CFAP299: variants seen among roughly 807,000 people sequenced by gnomAD.
CFAP299 encodes the protein cilia and flagella associated protein 299.
Under a neutral mutation model 27.0 loss-of-function variants are expected in CFAP299, and 21 were observed. The ratio of observed to expected loss-of-function variants is 0.78; its 90% CI spans 0.55 to 1.12. The LOEUF is 1.12. CFAP299 is among the 50% of genes most tolerant of loss of function. The pLI, the probability that CFAP299 is intolerant of heterozygous loss-of-function variation, is 0.00. For synonymous variants in CFAP299, 104 were observed against 98.1 expected (o/e 1.06, Z -0.36); for missense variants, 310 against 276.6 (o/e 1.12, Z -0.86).
intron 4 of CFAP299, among the ~76,000 whole-genome samples, chr4:80,937,136 G>A (rs1736929143): frequency 6.6e-6 from 1 of 151,814 alleles, no homozygotes; most frequent in African/African-American, 2.4e-5. Context: ...CTCCCGCATT[G>A]AGTGATACAT....
At chr4:80,481,434 A>G (rs1427399589) in intron 2 of CFAP299, among the ~76,000 whole-genome samples, 2 of 152,092 alleles carry the variant, frequency 1.3e-5, no homozygotes, top group Non-Finnish European at 2.9e-5. Flanking sequence ...TGTTGTACTC[A>G]GCTTAGCCAA....
intron 3 of CFAP299, among the ~76,000 whole-genome samples, chr4:80,816,141 AT>A (rs372417968): frequency 3.3e-5 from 5 of 152,150 alleles, no homozygotes; most frequent in African/African-American, 1.2e-4. Context: ...TGAGAATAAG[AT>A]TTAAAAAACA....
chr4:80,730,252 G>C (rs78750432), intron 3 of CFAP299, among the ~76,000 whole-genome samples: 5,480 of 110,670 alleles, frequency 0.05, 131 homozygotes, highest in African/African-American at 0.11. Flanking sequence ...CTCTCTCTGT[G>C]TGTGTGTGTG....
At chr4:80,557,089 A>C (rs1192689623) in intron 2 of CFAP299, among the ~76,000 whole-genome samples, 3 of 152,102 alleles carry the variant, frequency 2.0e-5, no homozygotes, top group African/African-American at 7.2e-5. Context: ...ATTAAACCAC[A>C]GATCAACACT....
rs115929815 is a variant in CFAP299, at chr4:80,875,384, G to A, written c.476+5249G>A. On this transcript the variant is annotated intron_variant, in intron 4 of 5. Transcript: ENST00000358105. The stretch of plus-strand genomic sequence containing the variant: ...AACTTATAAGATCTCTCATCTTGCC[G>A]GGCGCGGTGGCTCACGCCTGTAATC... 7.2e-3 allele frequency among the ~76,000 whole-genome samples: 1,088 copies of A among 152,136 alleles called. 8 individuals carry two copies. The highest frequency in any genetic ancestry group is 0.025 in the African/African-American group (1,028 of 41,500).
chr4:80,418,211 G>C (rs1468904920), intron 2 of CFAP299, among the ~76,000 whole-genome samples: 1 of 151,600 alleles, frequency 6.6e-6, no homozygotes. Flanking sequence ...TTGTGATTCT[G>C]GAAGATGTAC....
chr4:80,386,463 C>T (rs1277722830), intron 2 of CFAP299: 1 of 1,537,806 alleles, frequency 6.5e-7, no homozygotes, highest in Non-Finnish European at 8.8e-7. Flanking sequence ...CACCTTGCGC[C>T]CACCACTGCC....
At chr4:80,640,431 A>G (rs1739669158) in intron 3 of CFAP299, among the ~76,000 whole-genome samples, 1 of 152,168 alleles carries the variant, frequency 6.6e-6, no homozygotes, top group Admixed American at 6.5e-5. Flanking sequence ...GTTTAGGTAT[A>G]TATCCCTCAG....
chr4:80,772,340 C>T (rs544822863), intron 3 of CFAP299, among the ~76,000 whole-genome samples: 3 of 151,850 alleles, frequency 2.0e-5, no homozygotes, highest in Non-Finnish European at 4.4e-5. Context: ...TTATGGGCTA[C>T]GAAGAAAAGG....
intron 2 of CFAP299, among the ~76,000 whole-genome samples, chr4:80,396,955 A>G (rs535703480): frequency 0.018 from 2,792 of 152,216 alleles, 53 homozygotes; most frequent in African/African-American, 0.043. Flanking sequence ...AGAAGGAATG[A>G]TACCAGCTCC....
intron 3 of CFAP299, among the ~76,000 whole-genome samples, chr4:80,592,911 A>C (rs1357231174): frequency 6.6e-6 from 1 of 152,216 alleles, no homozygotes; most frequent in Non-Finnish European, 1.5e-5. Context: ...GAAATTTAGC[A>C]ATCATGTTTA....
At chr4:80,706,925 A>AT (rs1721853402) in intron 3 of CFAP299, among the ~76,000 whole-genome samples, 1 of 151,950 alleles carries the variant, frequency 6.6e-6, no homozygotes, top group Non-Finnish European at 1.5e-5. Flanking sequence ...ATATACATTT[A>AT]TAAGTACCGC....
intron 2 of CFAP299, among the ~76,000 whole-genome samples, chr4:80,366,180 A>C (rs1044984244): frequency 5.3e-5 from 8 of 152,340 alleles, no homozygotes; most frequent in African/African-American, 1.7e-4. Flanking sequence ...GAAAATATGC[A>C]TGAACATCTG....
chr4:80,623,641 C>T (rs1560662334), intron 3 of CFAP299, among the ~76,000 whole-genome samples: 1 of 152,144 alleles, frequency 6.6e-6, no homozygotes, highest in South Asian at 2.1e-4. Context: ...GTCATTCCTC[C>T]ACCAAACCCG....
At chr4:80,504,230 A>G (rs1731882759) in intron 2 of CFAP299, among the ~76,000 whole-genome samples, 1 of 151,578 alleles carries the variant, frequency 6.6e-6, no homozygotes, top group South Asian at 2.1e-4. Flanking sequence ...GAGCCTGGTA[A>G]GCATGAGGGA....
At chr4:80,782,640 A>ACATATATGAATATATAATATATT in intron 3 of CFAP299, among the ~76,000 whole-genome samples, 1 of 118,298 alleles carries the variant, frequency 8.5e-6, no homozygotes, top group Non-Finnish European at 1.8e-5. Context: ...TATATAATAT[A>ACATATATGAATATATAATATATT]CATATATGAA....
intron 2 of CFAP299, among the ~76,000 whole-genome samples, chr4:80,462,841 T>A (rs1427375078): frequency 2.0e-5 from 3 of 152,066 alleles, no homozygotes; most frequent in African/African-American, 7.2e-5. Flanking sequence ...CCTCAATGAA[T>A]GACAAAGTCC....
intron 3 of CFAP299, among the ~76,000 whole-genome samples, chr4:80,770,208 G>A (rs1308882689): frequency 1.3e-5 from 2 of 152,084 alleles, no homozygotes; most frequent in South Asian, 2.1e-4. Flanking sequence ...ATTTTTGCTC[G>A]ATTAGACAAA....
intron 3 of CFAP299, among the ~76,000 whole-genome samples, chr4:80,793,497 A>ACACT (rs200130560): frequency 0.056 from 8,447 of 152,074 alleles, 546 homozygotes; most frequent in African/African-American, 0.16. Flanking sequence ...AATCAAGTTG[A>ACACT]CAGTATTAAC....
Sources: allele counts gnomAD v4.1 joint callset (sites outside exome capture counted in the v4.1 genomes callset), GRCh38; gene constraint gnomAD v4.1.1; transcripts MANE v1.5; gene names NCBI Gene and HGNC (gene_info 2026-07-23, HGNC 2026-07-21).